The following BLMH variants were observed in gnomAD, a reference collection of about 807,000 sequenced individuals.
BLMH encodes BLM hydrolase.
Under a neutral mutation model 61.6 loss-of-function variants are expected in BLMH, and 32 were observed. That is an observed-to-expected ratio of 0.52 (90% CI 0.39 to 0.70). BLMH has a LOEUF of 0.70. BLMH is among the 30% of genes least tolerant of loss of function. The pLI is 0.00. For synonymous variants in BLMH, 183 were observed against 193.8 expected, an observed-to-expected ratio of 0.94 and a Z score of 0.46; for missense variants, 460 against 555.5, an observed-to-expected ratio of 0.83 and a Z score of 1.73.
intron 11 of BLMH, among the ~76,000 whole-genome samples, chr17:30,256,230 T>A (rs982799059): frequency 2.0e-5 from 3 of 152,156 alleles, no homozygotes; most frequent in Non-Finnish European, 2.9e-5. Context: ...TTCATAGTCA[T>A]CAGTTACAGT....
In BLMH at chr17:30,266,884, C is replaced by A; in HGVS notation, c.1216+1G>T. ...AGTTAGTATTACCAAACTGAGCTCA[C>A]CTTTGTGGCCATGGTCTTCACCCCA... is the stretch of plus-strand genomic sequence containing the variant. On this transcript the variant is annotated splice_donor_variant, in intron 11 of 11. Transcript: ENST00000261714. LOFTEE classifies it high-confidence loss of function. The A allele has an allele frequency of 1.2e-6, 2 of 1,614,046 alleles. No homozygotes were observed. Among genetic ancestry groups the A allele is most frequent in the Non-Finnish European group, 1.7e-6 (2 of 1,179,882 alleles).
intron 11 of BLMH, chr17:30,249,747 G>A (rs756721082): frequency 6.6e-6 from 1 of 152,480 alleles, no homozygotes; most frequent in Non-Finnish European, 1.5e-5. Flanking sequence ...GCAGATGATA[G>A]TGTGGGAGTC....
chr17:30,291,378 G>C lies in BLMH; in HGVS notation c.144C>G (p.Arg48=), dbSNP rs779540196. Residue 48 remains arginine (R), a synonymous_variant, in exon 2 of 12, where the codon CGC becomes CGG. Coordinates refer to ENST00000261714, the MANE Select transcript of BLMH (RefSeq NM_000386.4). ...CGGCGTGCTGGAACACATGCTGCGC[G>C]CGCTGCACCGTGGCCCGCTTCAGAC... ...DICLKRATVQ[R]AQHVFQHAVP... is the part of the protein sequence containing the mutation. 1.9e-6 allele frequency: 3 copies of C among 1,613,816 alleles called. No individual in the cohort carries two copies. In the East Asian group the frequency reaches 6.7e-5, roughly 36 times the overall value.
chr17:30,287,838 C>A lies in BLMH; in HGVS notation c.431G>T (p.Gly144Val), dbSNP rs1216957924. Residue 144 changes from glycine to valine, a missense_variant, in exon 4 of 12, where the codon GGT becomes GTT. Coordinates refer to ENST00000261714, the MANE Select transcript of BLMH (RefSeq NM_000386.4). ...QFLLMNPAND[G>V]GQWDMLVNIV... ...ATTAACAAGCATATCCCATTGGCCA[C>A]CATCATTTGCAGGGTTCATAAGCAA... 1 of 1,614,054 alleles carries A rather than the reference C, an allele frequency of 6.2e-7. No individual in the cohort carries two copies. The highest frequency in any genetic ancestry group is 8.5e-7 in the Non-Finnish European group (1 of 1,180,028).
At chr17:30,261,911 G>A (rs1907968811) in intron 11 of BLMH, among the ~76,000 whole-genome samples, 1 of 152,112 alleles carries the variant, frequency 6.6e-6, no homozygotes, top group East Asian at 1.9e-4. Flanking sequence ...CTTTCTAGAA[G>A]GAAGTCTGAA....
intron 10 of BLMH, among the ~76,000 whole-genome samples, chr17:30,270,501 CAAAA>C (rs5819891): frequency 2.8e-5 from 2 of 72,152 alleles, no homozygotes; most frequent in Non-Finnish European, 3.2e-5. Flanking sequence ...GACTCCATCT[CAAAA>C]AAAAAAAAAA....
Position 30,269,161 on chromosome 17 carries a change from TTTTA to T in BLMH, c.1146+2106_1146+2109del, listed in dbSNP as rs1363041006. ...CTTATTTGAAAAACCTTTTCATGTA[TTTTA>T]TTTATTTATTTATTGTTTTTTTTTT... On this transcript the variant is annotated intron_variant, in intron 10 of 11. Transcript: ENST00000261714. Among the ~76,000 whole-genome samples, 7 of 151,040 alleles carry T rather than the reference TTTTA, an allele frequency of 4.6e-5. 1 individual carries two copies. The South Asian group carries it at 6.2e-4, about 13-fold the overall frequency.
Position 30,272,748 on chromosome 17 carries a change from T to C in BLMH, c.953A>G (p.Asp318Gly), listed in dbSNP as rs1308282420. The C allele has an allele frequency of 5.0e-6, 8 of 1,614,036 alleles. 1 individual carries two copies. In the South Asian group the frequency reaches 5.5e-5, roughly 11 times the overall value. The change falls in exon 8 of 12, where the codon GAT becomes GGT. Residue 318 changes from aspartate to glycine, a missense_variant. Physicochemically the swap from Asp to Gly is moderately conservative, Grantham distance 94. Around this residue, in one of 5 missense-constraint regions of BLMH, gnomAD observed 310 missense variants for 371.1 expected, o/e 0.84. Transcript: ENST00000261714. ...TACAGAAACAATACCAACCTCTCCATCTTTGATGGAGGCAGCAACCATCTT... is the reference window on the plus strand; with the variant it reads ...TACAGAAACAATACCAACCTCTCCACCTTTGATGGAGGCAGCAACCATCTT... ...LKKMVAASIK[D>G]GEAVWFGCDV...
intron 6 of BLMH, among the ~76,000 whole-genome samples, chr17:30,276,019 TC>T (rs1908414034): frequency 6.6e-6 from 1 of 151,890 alleles, no homozygotes; most frequent in South Asian, 2.1e-4. Context: ...TCCCTCCACT[TC>T]CCCTTCACCT....
At chr17:30,254,944 T>C (rs563599922) in intron 11 of BLMH, among the ~76,000 whole-genome samples, 1 of 152,348 alleles carries the variant, frequency 6.6e-6, no homozygotes, top group African/African-American at 2.4e-5. Context: ...CCAATTAATC[T>C]CTTTCCTTAC....
intron 11 of BLMH, among the ~76,000 whole-genome samples, chr17:30,266,334 T>C (rs1467139274): frequency 6.6e-6 from 1 of 151,902 alleles, no homozygotes; most frequent in Non-Finnish European, 1.5e-5. Context: ...GAGACCATCC[T>C]GGCTAACACG....
intron 6 of BLMH, 115 bp downstream of exon 6, chr17:30,285,273 A>G (rs1351574509): frequency 2.8e-6 from 2 of 725,354 alleles, no homozygotes; most frequent in African/African-American, 3.6e-5. Context: ...GTAATTTTCA[A>G]TTCAATTAAA....
intron 6 of BLMH, among the ~76,000 whole-genome samples, chr17:30,274,419 C>T (rs769495625): frequency 5.9e-5 from 9 of 152,088 alleles, no homozygotes; most frequent in Non-Finnish European, 1.3e-4. Context: ...GTGAACAATG[C>T]GATTCTGAAA....
At chr17:30,265,932 T>C (rs1374070552) in intron 11 of BLMH, among the ~76,000 whole-genome samples, 1 of 152,214 alleles carries the variant, frequency 6.6e-6, no homozygotes, top group Non-Finnish European at 1.5e-5. Context: ...AAACTGTTAA[T>C]CAACAGTGAT....
At chr17:30,257,775 G>C (rs1329339540) in intron 11 of BLMH, among the ~76,000 whole-genome samples, 1 of 152,128 alleles carries the variant, frequency 6.6e-6, no homozygotes, top group African/African-American at 2.4e-5. Context: ...ATCGAACCCA[G>C]GTCTTAAATT....
Position 30,291,263 on chromosome 17 carries a change from C to G in BLMH, c.211+48G>C, listed in dbSNP as rs1488105860. 9 of 1,578,740 alleles carry G rather than the reference C, an allele frequency of 5.7e-6. No individual in the cohort carries two copies. The South Asian group carries it at 1.0e-4, about 18-fold the overall frequency. On this transcript the variant is annotated intron_variant, in intron 2 of 11. Coordinates refer to ENST00000261714, the MANE Select transcript of BLMH (RefSeq NM_000386.4). ...TCTTAAATAAGACACCAAAATGGGA[C>G]GCTGTCAGGAAGGTCAAGGAACGTA...
intron 10 of BLMH, among the ~76,000 whole-genome samples, 177 bp from the exon 11 acceptor site, chr17:30,267,131 C>T (rs573527835): frequency 1.3e-5 from 2 of 152,118 alleles, no homozygotes; most frequent in East Asian, 3.9e-4. Flanking sequence ...ATATTTCCTA[C>T]GATCACTAAA....
In BLMH at chr17:30,271,451, T is replaced by A. The variant is rs567450953; in HGVS notation, c.1029-63A>T. 4.5e-6 allele frequency: 6 copies of A among 1,328,424 alleles called. No individual in the cohort carries two copies. In the African/African-American group the frequency reaches 7.2e-5, roughly 16 times the overall value. 82.3% of individuals were successfully genotyped at this position (1,328,424 alleles called of 1,614,324 possible). On this transcript the variant is annotated intron_variant, in intron 9 of 11. Transcript: ENST00000261714. ...GATCATGGGGAAAACTGGCTTTTGG[T>A]TGTAAAAGGAATTCAGAAGAAACTG...
chr17:30,272,932 C>A, intron 7 of BLMH, 33 bp from the exon 8 acceptor site: 1 of 1,607,216 alleles, frequency 6.2e-7, no homozygotes, highest in South Asian at 1.1e-5. Context: ...AATTAGGGCA[C>A]AAAACCAGGA....
Sources: gnomAD v4.1 joint callset for allele counts (sites outside exome capture counted in the v4.1 genomes callset) on GRCh38, gnomAD v4.1.1 for gene constraint, gnomAD v4.1.1 regional missense constraint, MANE v1.5 for transcripts, NCBI Gene and HGNC (gene_info 2026-07-23, HGNC 2026-07-21) for gene names.